EXT2: variants seen among roughly 807,000 people sequenced by gnomAD.
EXT2 encodes the protein exostosin glycosyltransferase 2, also known as exostosin-2.
In EXT2, 53 loss-of-function variants were observed where a neutral mutation model predicts 81.6. That is an observed-to-expected ratio of 0.65 (90% CI 0.52 to 0.82). The LOEUF (loss-of-function observed/expected upper bound fraction) is 0.82. EXT2 is among the 40% of genes least tolerant of loss of function. EXT2 has a pLI of 0.00. For missense variants in EXT2, 774 were observed against 910.2 expected (o/e 0.85, Z 1.93); for synonymous variants, 320 against 340.0 (o/e 0.94, Z 0.65).
At chr11:44,109,002 C>T (rs1005086186) in intron 2 of EXT2, among the ~76,000 whole-genome samples, 192 bp from the exon 3 acceptor site, 4 of 152,108 alleles carry the variant, frequency 2.6e-5, no homozygotes, top group African/African-American at 7.2e-5. Context: ...AGTACACGTG[C>T]GTTCATTTTT....
At chr11:44,095,887 G>A (rs994045289) in intron 1 of EXT2, 35 bp downstream of exon 1, 15 of 222,448 alleles carry the variant, frequency 6.7e-5, no homozygotes, top group African/African-American at 3.5e-4. Context: ...GGCCGGGCGG[G>A]CGCTGAAGCG....
chr11:44,182,816 C>T (rs746057706), intron 8 of EXT2, among the ~76,000 whole-genome samples: 1 of 152,124 alleles, frequency 6.6e-6, no homozygotes, highest in Admixed American at 6.5e-5. Context: ...GATCTTATTT[C>T]GATTTCATCA....
intron 8 of EXT2, among the ~76,000 whole-genome samples, chr11:44,195,683 AT>A (rs2135180180): frequency 6.6e-6 from 1 of 152,238 alleles, no homozygotes; most frequent in African/African-American, 2.4e-5. Context: ...CATCAGTGAT[AT>A]GGATGAGATT....
chr11:44,144,369 C>A, intron 7 of EXT2: 1 of 1,555,460 alleles, frequency 6.4e-7, no homozygotes, highest in South Asian at 1.1e-5. Flanking sequence ...CCGGGCCCAG[C>A]AGAAATGAAT....
intron 8 of EXT2, among the ~76,000 whole-genome samples, chr11:44,180,452 TG>T (rs965561350): frequency 3.9e-5 from 6 of 152,254 alleles, no homozygotes; most frequent in Non-Finnish European, 8.8e-5. Flanking sequence ...AAATGCCTGT[TG>T]TTTTTTCCCG....
At chr11:44,176,953 C>T (rs1272004562) in intron 8 of EXT2, among the ~76,000 whole-genome samples, 2 of 148,938 alleles carry the variant, frequency 1.3e-5, no homozygotes, top group Non-Finnish European at 3.0e-5. Flanking sequence ...CTACGTGTGT[C>T]GATGATTATG....
intron 9 of EXT2, among the ~76,000 whole-genome samples, chr11:44,202,543 C>T (rs950997054): frequency 5.9e-5 from 9 of 152,132 alleles, no homozygotes; most frequent in South Asian, 2.1e-4. Context: ...TATGGAAGGC[C>T]TGGGCCAGGG....
intron 10 of EXT2, among the ~76,000 whole-genome samples, chr11:44,212,195 G>C (rs927479834): frequency 2.0e-5 from 3 of 151,970 alleles, no homozygotes; most frequent in African/African-American, 7.3e-5. Context: ...TGAGGCAGGA[G>C]AATCACATGA....
chr11:44,114,211 C>T lies in EXT2; in HGVS notation c.653C>T (p.Ser218Phe), dbSNP rs949882263. 1 of 1,614,048 alleles carries T rather than the reference C, an allele frequency of 6.2e-7. No individual in the cohort carries two copies. Among genetic ancestry groups the T allele is most frequent in the Non-Finnish European group, 8.5e-7 (1 of 1,179,984 alleles). Reference protein sequence around the residue: ...DRALLAGGGFSTWTYRQGYDV... With the variant: ...DRALLAGGGFFTWTYRQGYDV... ...GCCCTGTTGGCTGGTGGCGGCTTTT[C>T]TACGTGGACTTACCGGCAAGGCTAC... Residue 218 changes from serine to phenylalanine, a missense_variant, in exon 4 of 14, where the codon TCT (serine) becomes TTT (phenylalanine). This residue lies in a region of EXT2 where 626 missense variants were observed against 670.5 expected (regional missense o/e 0.93). Coordinates refer to ENST00000533608, the MANE Select transcript of EXT2 (RefSeq NM_207122.2).
chr11:44,115,767 T>G (rs1273970043), intron 4 of EXT2: 2 of 152,222 alleles, frequency 1.3e-5, no homozygotes, highest in African/African-American at 4.8e-5. Context: ...GACATCTCTC[T>G]CCTGTTTGTG....
chr11:44,171,040 A>G (rs890396179), intron 7 of EXT2, among the ~76,000 whole-genome samples: 6 of 152,238 alleles, frequency 3.9e-5, no homozygotes, highest in South Asian at 2.1e-4. Flanking sequence ...CTTAGATATT[A>G]TAAGTGTTGA....
intron 10 of EXT2, among the ~76,000 whole-genome samples, chr11:44,229,016 G>C (rs538086319): frequency 6.6e-6 from 1 of 152,140 alleles, no homozygotes; most frequent in Non-Finnish European, 1.5e-5. Flanking sequence ...TGAATTGGAT[G>C]CCCCCTCCCC....
At chr11:44,166,096 C>T (rs1468732763) in intron 7 of EXT2, among the ~76,000 whole-genome samples, 1 of 152,120 alleles carries the variant, frequency 6.6e-6, no homozygotes, top group Non-Finnish European at 1.5e-5. Context: ...TTTTAAAATA[C>T]CAGTATCTAT....
intron 7 of EXT2, among the ~76,000 whole-genome samples, chr11:44,157,023 A>G (rs1262724373): frequency 6.6e-6 from 1 of 152,196 alleles, no homozygotes; most frequent in Admixed American, 6.5e-5. Flanking sequence ...GATCTGGAAG[A>G]ATTCGCTGGG....
At chr11:44,117,114 C>T (rs1044924956) in intron 4 of EXT2, among the ~76,000 whole-genome samples, 8 of 151,986 alleles carry the variant, frequency 5.3e-5, no homozygotes, top group Admixed American at 3.3e-4. Context: ...GGATTACAGG[C>T]GTGTGCCACC....
At chr11:44,207,039 A>G (rs1955592211) in intron 10 of EXT2, 80 bp downstream of exon 10, 4 of 1,477,246 alleles carry the variant, frequency 2.7e-6, no homozygotes, top group Non-Finnish European at 3.8e-6. Context: ...AAAGAGTATT[A>G]TATTTCCTTC....
At chr11:44,239,511 A>G (rs1231893562) in intron 13 of EXT2, among the ~76,000 whole-genome samples, 3 of 145,552 alleles carry the variant, frequency 2.1e-5, no homozygotes, top group African/African-American at 7.7e-5. Context: ...TCCTGCCTCC[A>G]CCTCCCGAGC....
Position 44,249,489 on chromosome 11 carries a change from C to T in EXT2, c.*5202C>T, listed in dbSNP as rs1299931873. ...CTTGTGGACAACCTCTCAGGAATTG[C>T]AGGTGGTGTGGGAGTGGCTGACAGA... On this transcript the variant is annotated 3_prime_UTR_variant, in exon 14 of 14. Transcript: ENST00000533608. Among the ~76,000 whole-genome samples the T allele has an allele frequency of 6.6e-6, 1 of 152,224 alleles. No individual in the cohort carries two copies. Among genetic ancestry groups the T allele is most frequent in the African/African-American group, 2.4e-5 (1 of 41,454 alleles).
chr11:44,129,155 C>G (rs1248904969), intron 6 of EXT2, among the ~76,000 whole-genome samples: 3 of 152,200 alleles, frequency 2.0e-5, no homozygotes, highest in Non-Finnish European at 4.4e-5. Context: ...CATCTCTTGC[C>G]TGGCTTTTGC....
Sources: gnomAD v4.1 joint callset for allele counts (sites outside exome capture counted in the v4.1 genomes callset) on GRCh38, gnomAD v4.1.1 for gene constraint, gnomAD v4.1.1 regional missense constraint, MANE v1.5 for transcripts, NCBI Gene and HGNC (gene_info 2026-07-23, HGNC 2026-07-21) for gene names.